The following SLC35G2 variants were observed in gnomAD, a reference collection of about 807,000 sequenced individuals.
SLC35G2 encodes the protein solute carrier family 35 member G2, also known as transmembrane protein 22.
Under a neutral mutation model 27.2 loss-of-function variants are expected in SLC35G2, and 20 were observed. The ratio of observed to expected loss-of-function variants is 0.74; its 90% CI spans 0.52 to 1.07. The LOEUF is 1.07. Among genes scored for constraint, SLC35G2 ranks in the 50% least tolerant of loss-of-function variants. The probability of loss-of-function intolerance (pLI) is 0.00; values close to 1 mark genes in which losing one functional copy is unlikely to be tolerated. For synonymous variants in SLC35G2, 148 were observed against 165.3 expected (o/e 0.90, Z 0.80); for missense variants, 416 against 493.3 (o/e 0.84, Z 1.48).
chr3:136,844,968 C>G (rs1937306621), intron 1 of SLC35G2, among the ~76,000 whole-genome samples: 1 of 152,132 alleles, frequency 6.6e-6, no homozygotes, highest in Admixed American at 6.5e-5. Context: ...ATTTGCCTTT[C>G]AGCTTTCAGA....
intron 1 of SLC35G2, among the ~76,000 whole-genome samples, chr3:136,831,418 G>A (rs7631541): frequency 0.76 from 115,666 of 152,096 alleles, 44,285 homozygotes; most frequent in East Asian, 0.92. Context: ...CTGAGCTAGG[G>A]GTTGGAGATG....
At chr3:136,850,101 C>T (rs1015243148) in intron 1 of SLC35G2, among the ~76,000 whole-genome samples, 1 of 152,018 alleles carries the variant, frequency 6.6e-6, no homozygotes, top group African/African-American at 2.4e-5. Context: ...AGCGAGACTC[C>T]GTCTCAAAAA....
In SLC35G2 at chr3:136,855,864, AATATT is replaced by A. The variant is rs1215390682; in HGVS notation, c.*167_*171del. 3.7e-6 allele frequency: 2 copies of A among 534,460 alleles called. No individual in the cohort carries two copies. Among genetic ancestry groups the A allele is most frequent in the Non-Finnish European group, 6.6e-6 (2 of 301,322 alleles). 33.1% of individuals were successfully genotyped at this position (534,460 alleles called of 1,614,324 possible). On this transcript the variant is annotated 3_prime_UTR_variant, in exon 2 of 2. Transcript: ENST00000446465. Reference sequence around the variant, plus strand: ...TTCTAGTCTAATATATTCAAATACAAATATTAAATATATGAAATACGTTATGAATC... The same window carrying A: ...TTCTAGTCTAATATATTCAAATACAAAAATATATGAAATACGTTATGAATC...
At chr3:136,839,046 C>A (rs1477454003) in intron 1 of SLC35G2, 1 of 151,742 alleles carries the variant, frequency 6.6e-6, no homozygotes, top group Non-Finnish European at 1.5e-5. Context: ...TGGCTCCTTC[C>A]TACCCTTAAC....
Position 136,855,675 on chromosome 3 carries a change from A to C in SLC35G2, c.1215A>C (p.Glu405Asp). The change falls in exon 2 of 2, where the codon GAA (glutamate) becomes GAC (aspartate). Residue 405 changes from glutamate to aspartate, a missense_variant. Glu to Asp is a conservative substitution (Grantham distance 45). Coordinates refer to ENST00000446465, the MANE Select transcript of SLC35G2 (RefSeq NM_025246.3). ...WRNLRKQDYQ[E>D]ILDSPIK The stretch of plus-strand genomic sequence containing the variant: ...ATTTAAGAAAGCAGGACTACCAGGA[A>C]ATACTAGACTCTCCCATTAAATGAA... The C allele has an allele frequency of 6.2e-7, 1 of 1,606,794 alleles. No homozygotes were observed. The highest frequency in any genetic ancestry group is 8.5e-7 in the Non-Finnish European group (1 of 1,173,396).
At chr3:136,844,681 T>G (rs1937280243) in intron 1 of SLC35G2, among the ~76,000 whole-genome samples, 1 of 148,830 alleles carries the variant, frequency 6.7e-6, no homozygotes, top group African/African-American at 2.5e-5. Flanking sequence ...ACACCTGTAG[T>G]CCCAGCTACT....
At chr3:136,838,246 C>CATATATATATATATATAT (rs6148084) in intron 1 of SLC35G2, 46 of 140,996 alleles carry the variant, frequency 3.3e-4, no homozygotes, top group African/African-American at 1.2e-3. Context: ...GTAGCATATA[C>CATATATATATATATATAT]ATATATATAT....
chr3:136,830,175 C>T (rs1936692513), intron 1 of SLC35G2, among the ~76,000 whole-genome samples: 1 of 143,894 alleles, frequency 6.9e-6, no homozygotes, highest in African/African-American at 2.6e-5. Context: ...GTGGCGCGAT[C>T]TCAGCTCACT....
At chr3:136,821,918 T>A (rs1433618345) in intron 1 of SLC35G2, among the ~76,000 whole-genome samples, 2 of 152,208 alleles carry the variant, frequency 1.3e-5, no homozygotes, top group Non-Finnish European at 2.9e-5. Flanking sequence ...ATTCTACTCC[T>A]CGATTCTATG....
Position 136,854,821 on chromosome 3 carries a change from A to T in SLC35G2, c.361A>T (p.Ile121Phe). The change falls in exon 2 of 2, where the codon ATC (isoleucine) becomes TTC (phenylalanine). Residue 121 changes from isoleucine to phenylalanine, a missense_variant. Coordinates refer to ENST00000446465, the MANE Select transcript of SLC35G2 (RefSeq NM_025246.3). Reference protein sequence around the residue: ...SALAHGCVALITRLVSDRSKV... With the variant: ...SALAHGCVALFTRLVSDRSKV... The stretch of plus-strand genomic sequence containing the variant: ...TTTGGCTCATGGATGTGTAGCTCTT[A>T]TCACTAGGCTTGTTTCTGATCGGTC... 6.2e-7 allele frequency: 1 copy of T among 1,614,184 alleles called. No homozygotes were observed. The highest frequency in any genetic ancestry group is 8.5e-7 in the Non-Finnish European group (1 of 1,180,026).
At position 136,831,181 on chromosome 3, in the gene SLC35G2, G is replaced by A. The variant is rs532515468; in HGVS notation, c.-19+11553G>A. The stretch of plus-strand genomic sequence containing the variant: ...AAAAATGAATGAGGCTGCTGAGGAG[G>A]GTGGTGGACAACAGCTAGATACTCA... On this transcript the variant is annotated intron_variant, in intron 1 of 1. Transcript: ENST00000446465. 1.2e-4 allele frequency among the ~76,000 whole-genome samples: 19 copies of A among 152,286 alleles called. No homozygotes were observed. In the South Asian group the frequency reaches 1.9e-3, roughly 15 times the overall value.
intron 1 of SLC35G2, among the ~76,000 whole-genome samples, chr3:136,837,028 G>A (rs897151673): frequency 6.6e-5 from 10 of 152,146 alleles, no homozygotes; most frequent in African/African-American, 2.2e-4. Context: ...GATTTATGGG[G>A]TGGTAACTTA....
chr3:136,828,264 A>G (rs1042778477), intron 1 of SLC35G2, among the ~76,000 whole-genome samples: 17 of 152,210 alleles, frequency 1.1e-4, no homozygotes, highest in African/African-American at 3.6e-4. Context: ...CATTTGTTCT[A>G]TATTGCAGAT....
chr3:136,836,484 A>G (rs1447480373), intron 1 of SLC35G2, among the ~76,000 whole-genome samples: 1 of 152,224 alleles, frequency 6.6e-6, no homozygotes, highest in African/African-American at 2.4e-5. Context: ...TTCAAACCTC[A>G]GTGCTGTAAT....
intron 1 of SLC35G2, among the ~76,000 whole-genome samples, chr3:136,829,391 T>C (rs1303236548): frequency 1.3e-5 from 2 of 152,080 alleles, no homozygotes; most frequent in Non-Finnish European, 2.9e-5. Flanking sequence ...CCGGCTAATT[T>C]TTGTAGTTTT....
chr3:136,851,769 AGTTTTT>A (rs1423379917), intron 1 of SLC35G2, among the ~76,000 whole-genome samples: 1 of 152,108 alleles, frequency 6.6e-6, no homozygotes, highest in African/African-American at 2.4e-5. Flanking sequence ...AAGCTTGAGA[AGTTTTT>A]GTTTTTGTTT....
chr3:136,855,683 A>T lies in SLC35G2; in HGVS notation c.1223A>T (p.Asp408Val). Residue 408 changes from aspartate to valine, a missense_variant, in exon 2 of 2, where the codon GAC becomes GTC. Physicochemically the swap from Asp to Val is radical, Grantham distance 152. Coordinates refer to ENST00000446465, the MANE Select transcript of SLC35G2 (RefSeq NM_025246.3). Reference sequence around the variant, plus strand: ...AAGCAGGACTACCAGGAAATACTAGACTCTCCCATTAAATGAATACCTGAT... The same window carrying T: ...AAGCAGGACTACCAGGAAATACTAGTCTCTCCCATTAAATGAATACCTGAT... The part of the protein sequence containing the change: ...LRKQDYQEIL[D>V]SPIK 6.3e-7 allele frequency: 1 copy of T among 1,599,314 alleles called. No homozygotes were observed. The highest frequency in any genetic ancestry group is 8.6e-7 in the Non-Finnish European group (1 of 1,166,708).
intron 1 of SLC35G2, among the ~76,000 whole-genome samples, chr3:136,851,164 G>A (rs1406441734): frequency 6.6e-6 from 1 of 151,986 alleles, no homozygotes; most frequent in Non-Finnish European, 1.5e-5. Context: ...GGAAAGGCCT[G>A]TCTCTAAAAG....
chr3:136,846,186 G>A (rs929095553), intron 1 of SLC35G2, among the ~76,000 whole-genome samples: 1 of 152,124 alleles, frequency 6.6e-6, no homozygotes, highest in African/African-American at 2.4e-5. Flanking sequence ...TACCCACTCT[G>A]CAAATTTTGG....
Sources: allele counts gnomAD v4.1 joint callset (sites outside exome capture counted in the v4.1 genomes callset), GRCh38; gene constraint gnomAD v4.1.1; transcripts MANE v1.5; gene names NCBI Gene and HGNC (gene_info 2026-07-23, HGNC 2026-07-21).